Variants in POM121 observed in about 807,000 individuals in gnomAD.
The protein encoded by POM121 is POM121 transmembrane nucleoporin.
In POM121, 32 loss-of-function variants were observed where a neutral mutation model predicts 81.3. The observed-to-expected ratio is 0.39, with a 90% CI of 0.30 to 0.53. POM121 has a LOEUF of 0.53. Ranked by LOEUF, POM121 falls within the 20% of genes least tolerant of loss-of-function variation. POM121 has a pLI of 0.66. For missense variants in POM121, 1,138 were observed against 1,614.6 expected (o/e 0.70, Z 5.06); for synonymous variants, 514 against 694.2 (o/e 0.74, Z 4.08).
intron 3 of POM121, among the ~76,000 whole-genome samples, chr7:72,900,464 T>A (rs1170252376): frequency 6.6e-6 from 1 of 152,094 alleles, no homozygotes; most frequent in Non-Finnish European, 1.5e-5. Context: ...TTTTTAAATG[T>A]TTCTATTTTA....
At chr7:72,881,999 A>T (rs1455847315) in intron 1 of POM121, among the ~76,000 whole-genome samples, 3 of 152,228 alleles carry the variant, frequency 2.0e-5, no homozygotes, top group Non-Finnish European at 4.4e-5. Context: ...AGTGTGGCAG[A>T]TCAGCACCAA....
At chr7:72,935,440 G>T (rs1382804827) in intron 5 of POM121, among the ~76,000 whole-genome samples, 1 of 152,236 alleles carries the variant, frequency 6.6e-6, no homozygotes, top group African/African-American at 2.4e-5. Flanking sequence ...CTCCCTGAGT[G>T]CTGGGATTGT....
At chr7:72,905,967 G>A (rs1480051928) in intron 3 of POM121, among the ~76,000 whole-genome samples, 1 of 152,096 alleles carries the variant, frequency 6.6e-6, no homozygotes, top group Non-Finnish European at 1.5e-5. Flanking sequence ...GTGTTACAAT[G>A]TAATGACCCT....
At chr7:72,941,194 C>T (rs1554500929) in intron 10 of POM121, among the ~76,000 whole-genome samples, 1 of 151,368 alleles carries the variant, frequency 6.6e-6, no homozygotes, top group Non-Finnish European at 1.5e-5. Flanking sequence ...CTGCGACGCT[C>T]AGGATCTGAA....
At chr7:72,906,512 C>T (rs1554493473) in intron 3 of POM121, among the ~76,000 whole-genome samples, 1 of 152,218 alleles carries the variant, frequency 6.6e-6, no homozygotes, top group East Asian at 1.9e-4. Flanking sequence ...GGTCATGTTT[C>T]AGAGTTCCAA....
At chr7:72,911,783 CTTG>C (rs781793785) in intron 3 of POM121, among the ~76,000 whole-genome samples, 61 of 152,336 alleles carry the variant, frequency 4.0e-4, no homozygotes, top group East Asian at 2.3e-3. Flanking sequence ...GTACATGGTG[CTTG>C]TTGTTATATC....
At chr7:72,950,113 G>C, downstream of POM121, 1 of 1,598,162 alleles carries the variant, frequency 6.3e-7, no homozygotes, top group African/African-American at 1.4e-5. Flanking sequence ...ATGCAGATCT[G>C]TCTGGGCGGG....
At chr7:72,917,820 G>A (rs546816867) in intron 4 of POM121, among the ~76,000 whole-genome samples, 128 of 152,306 alleles carry the variant, frequency 8.4e-4, no homozygotes, top group African/African-American at 2.9e-3. Flanking sequence ...GCAGAGACCG[G>A]TAGTGGCCCT....
chr7:72,928,871 G>C (rs1795740139), intron 4 of POM121, among the ~76,000 whole-genome samples: 1 of 152,184 alleles, frequency 6.6e-6, no homozygotes, highest in Non-Finnish European at 1.5e-5. Flanking sequence ...AAAGACTTAG[G>C]ATACCTTAGG....
chr7:72,885,151 C>G (rs1166892523), intron 1 of POM121, among the ~76,000 whole-genome samples: 2 of 152,124 alleles, frequency 1.3e-5, no homozygotes, highest in Non-Finnish European at 2.9e-5. Context: ...TTTCCCTGAT[C>G]TTTCTTCATG....
chr7:72,925,657 CCCCACCGCCGCGCT>C lies in POM121; in HGVS notation c.540_553del (p.Pro182AlafsTer43). 3 of 1,061,294 alleles carry C rather than the reference CCCCACCGCCGCGCT, an allele frequency of 2.8e-6. No homozygotes were observed. Among genetic ancestry groups the C allele is most frequent in the Non-Finnish European group, 3.5e-6 (3 of 868,840 alleles). 65.7% of individuals were successfully genotyped at this position (1,061,294 alleles called of 1,614,324 possible). A position where few individuals can be genotyped will look rare whatever the true frequency, so the allele number is the denominator to read the frequency against. On this transcript the variant is annotated frameshift_variant, in exon 1 of 13. Transcript: ENST00000434423. LOFTEE classifies it high-confidence loss of function. ...GCGCCGCGCTCCCCACCGCCGCGCTCCCCACCGCCGCGCTCCCCCCCGCCCTCCCCGCCGACCCA... is the reference window on the plus strand; with the variant it reads ...GCGCCGCGCTCCCCACCGCCGCGCTCCCCCCCCGCCCTCCCCGCCGACCCA...
At chr7:72,933,085 C>T (rs534026196) in intron 5 of POM121, among the ~76,000 whole-genome samples, 2 of 148,432 alleles carry the variant, frequency 1.3e-5, no homozygotes, top group East Asian at 4.0e-4. Flanking sequence ...AGCTTGGTGG[C>T]TTACACCTGT....
At chr7:72,936,148 A>C (rs1265764347) in intron 5 of POM121, among the ~76,000 whole-genome samples, 43 of 152,126 alleles carry the variant, frequency 2.8e-4, no homozygotes, top group African/African-American at 9.2e-4. Flanking sequence ...GTTGTCTTCC[A>C]GTCCTAGCTA....
intron 11 of POM121, among the ~76,000 whole-genome samples, chr7:72,944,549 G>A (rs1797467514): frequency 6.6e-6 from 1 of 152,178 alleles, no homozygotes; most frequent in African/African-American, 2.4e-5. Flanking sequence ...AGTTAGCATG[G>A]CATGTGTTTC....
intron 3 of POM121, among the ~76,000 whole-genome samples, chr7:72,891,407 T>G (rs556602543): frequency 6.6e-6 from 1 of 152,300 alleles, no homozygotes; most frequent in African/African-American, 2.4e-5. Flanking sequence ...GTTTGTTTGT[T>G]TTTTTGTTTG....
At chr7:72,897,933 C>T (rs1433611308) in intron 3 of POM121, among the ~76,000 whole-genome samples, 1 of 152,116 alleles carries the variant, frequency 6.6e-6, no homozygotes, top group Non-Finnish European at 1.5e-5. Flanking sequence ...GTGAGAGAAT[C>T]GCTTTAGCCT....
upstream of POM121, chr7:72,924,957 C>A (rs1795201835): frequency 5.1e-6 from 6 of 1,187,900 alleles, no homozygotes; most frequent in Admixed American, 2.1e-4. Flanking sequence ...CAGAAACAGG[C>A]GTTAAAGGCA....
intron 3 of POM121, among the ~76,000 whole-genome samples, chr7:72,898,052 T>C (rs1792147960): frequency 6.6e-6 from 1 of 152,082 alleles, no homozygotes; most frequent in South Asian, 2.1e-4. Flanking sequence ...CCAAAAGATT[T>C]GCAGATGCTT....
At chr7:72,885,080 G>T (rs1790577197) in intron 1 of POM121, among the ~76,000 whole-genome samples, 1 of 152,168 alleles carries the variant, frequency 6.6e-6, no homozygotes, top group Non-Finnish European at 1.5e-5. Context: ...TTGTTCCGCA[G>T]TGCCATTATA....
Sources: allele counts gnomAD v4.1 joint callset (sites outside exome capture counted in the v4.1 genomes callset), GRCh38; gene constraint gnomAD v4.1.1; transcripts MANE v1.5; gene names NCBI Gene and HGNC (gene_info 2026-07-23, HGNC 2026-07-21).